Variants in MRPS10 observed in about 807,000 individuals in gnomAD.
MRPS10 encodes the protein mitochondrial ribosomal protein S10, also known as small ribosomal subunit protein uS10m.
In MRPS10, 23 loss-of-function variants were observed where a neutral mutation model predicts 27.5. That is an observed-to-expected ratio of 0.84 (90% CI 0.60 to 1.18). MRPS10 has a LOEUF of 1.18. Among genes scored for constraint, MRPS10 ranks in the 50% most tolerant of loss-of-function variants. The pLI is 0.00. For synonymous variants in MRPS10, 88 were observed against 84.2 expected, an observed-to-expected ratio of 1.04 and a Z score of -0.25; for missense variants, 237 against 240.1, an observed-to-expected ratio of 0.99 and a Z score of 0.09.
chr6:42,208,260 A>T lies in MRPS10; in HGVS notation c.*29T>A. 6.4e-7 allele frequency: 1 copy of T among 1,553,246 alleles called. No homozygotes were observed. Among genetic ancestry groups the T allele is most frequent in the Non-Finnish European group, 8.9e-7 (1 of 1,128,148 alleles). ...CTCATCTGGCCCACCCTCATTTCAA[A>T]TTTAGGCAAAAATGGCCTCCCTGAG... On this transcript the variant is annotated 3_prime_UTR_variant, in exon 7 of 7. Transcript: ENST00000053468.
At chr6:42,214,414 A>G in intron 1 of MRPS10, 70 bp from the exon 2 acceptor site, 1 of 1,250,434 alleles carries the variant, frequency 8.0e-7, no homozygotes, top group Non-Finnish European at 1.1e-6. Flanking sequence ...AATTTCCACT[A>G]AAAACTAAAA....
Position 42,208,862 on chromosome 6 carries a change from G to A in MRPS10, c.518C>T (p.Thr173Ile). ...AGGCAGAAATTCAAGCTATACCTTT[G>A]TTACTTCCATGGCAACCCCTTCAGG... Reference protein sequence around the residue: ...NLPEGVAMEVTKTQLEQLPEH... With the variant: ...NLPEGVAMEVIKTQLEQLPEH... The change falls in exon 6 of 7, where the codon ACA becomes ATA. Residue 173 changes from threonine (T) to isoleucine (I), a missense_variant. Thr to Ile is a moderately conservative substitution (Grantham distance 89). Around this residue, in one of 3 missense-constraint regions of MRPS10, gnomAD observed 62 missense variants for 68.2 expected, o/e 0.91. Coordinates refer to ENST00000053468, the MANE Select transcript of MRPS10 (RefSeq NM_018141.4). 1.2e-6 allele frequency: 2 copies of A among 1,601,040 alleles called. No homozygotes were observed. Among genetic ancestry groups the A allele is most frequent in the South Asian group, 1.1e-5 (1 of 90,562 alleles).
At chr6:42,217,738 G>A in intron 1 of MRPS10, 64 bp downstream of exon 1, 1 of 1,548,060 alleles carries the variant, frequency 6.5e-7, no homozygotes, top group South Asian at 1.1e-5. Context: ...AGCGGCTGGT[G>A]GCAGGGAAAC....
At position 42,207,692 on chromosome 6, in the gene MRPS10, G is replaced by A. The variant is rs1356630265; in HGVS notation, c.*597C>T. The A allele has an allele frequency of 2.6e-5, 4 of 152,134 alleles. No individual in the cohort carries two copies. The highest frequency in any genetic ancestry group is 4.4e-5 in the Non-Finnish European group (3 of 68,048). The allele number at this position is 152,134 out of a possible 1,614,324, so 9.4% of individuals were successfully genotyped here. On this transcript the variant is annotated 3_prime_UTR_variant, in exon 7 of 7. Transcript: ENST00000053468. ...AATTCCATTACAGTAACCCTGGTAG[G>A]CAACTCTATAAAGTTCTGGGCTCCA... is the stretch of plus-strand genomic sequence containing the variant.
chr6:42,208,656 G>A (rs569371136), intron 6 of MRPS10, among the ~76,000 whole-genome samples: 13 of 152,282 alleles, frequency 8.5e-5, no homozygotes, highest in Admixed American at 3.9e-4. Context: ...GGTGGTTCAC[G>A]GAGGACTTGG....
chr6:42,214,222 A>T (rs1884318), intron 2 of MRPS10, 30 bp from the exon 3 acceptor site: 12 of 1,607,212 alleles, frequency 7.5e-6, no homozygotes, highest in East Asian at 2.2e-5. Flanking sequence ...GAGAAACCTA[A>T]GTAAAATAGC....
intron 4 of MRPS10, among the ~76,000 whole-genome samples, chr6:42,211,198 G>C (rs544076076): frequency 2.6e-5 from 4 of 152,310 alleles, no homozygotes; most frequent in African/African-American, 9.6e-5. Context: ...TCTTAGGGAA[G>C]ATTTGAAATG....
At chr6:42,211,690 AAG>A (rs1554188748) in intron 4 of MRPS10, 89 bp downstream of exon 4, 6 of 1,279,148 alleles carry the variant, frequency 4.7e-6, no homozygotes, top group South Asian at 1.6e-5. Context: ...AAAAAAAAAA[AAG>A]AGTTCAGACC....
Position 42,217,836 on chromosome 6 carries a change from G to A in MRPS10, c.14C>T (p.Thr5Ile), listed in dbSNP as rs150173293. Reference protein sequence around the residue: MAARTAFGAVCRRLW... With the variant: MAARIAFGAVCRRLW... ...GCGCCGGCACACAGCACCGAACGCT[G>A]TCCGCGCCGCCATCTTGCCGGTCCC... is the stretch of plus-strand genomic sequence containing the variant. The change falls in exon 1 of 7, where the codon ACA (threonine) becomes ATA (isoleucine). Residue 5 changes from threonine (T) to isoleucine (I), a missense_variant. Thr to Ile is a moderately conservative substitution (Grantham distance 89). Coordinates refer to ENST00000053468, the MANE Select transcript of MRPS10 (RefSeq NM_018141.4). 3 of 1,614,012 alleles carry A rather than the reference G, an allele frequency of 1.9e-6. No homozygotes were observed. The highest frequency in any genetic ancestry group is 1.1e-5 in the South Asian group (1 of 91,082).
At chr6:42,213,397 G>A (rs745684369) in intron 3 of MRPS10, among the ~76,000 whole-genome samples, 43 of 152,144 alleles carry the variant, frequency 2.8e-4, no homozygotes, top group Non-Finnish European at 5.7e-4. Flanking sequence ...GAGGTGAGCC[G>A]AGATCATGCC....
At chr6:42,211,019 C>T (rs959107809) in intron 4 of MRPS10, among the ~76,000 whole-genome samples, 4 of 152,188 alleles carry the variant, frequency 2.6e-5, no homozygotes, top group Admixed American at 6.5e-5. Context: ...TTTTGGGAAA[C>T]CGTGGCCTTC....
At chr6:42,212,396 TAAGAA>T (rs952660922) in intron 3 of MRPS10, among the ~76,000 whole-genome samples, 8 of 152,116 alleles carry the variant, frequency 5.3e-5, no homozygotes, top group African/African-American at 1.7e-4. Context: ...AAGAAAAAAA[TAAGAA>T]AACACAGATT....
At chr6:42,216,385 A>AGAGAGAGAGTGTGTGTGTGT in intron 1 of MRPS10, among the ~76,000 whole-genome samples, 3 of 58,642 alleles carry the variant, frequency 5.1e-5, no homozygotes, top group African/African-American at 1.3e-4. Flanking sequence ...AGAGAGAGAG[A>AGAGAGAGAGTGTGTGTGTGT]GTGTGTGTGT....
chr6:42,210,502 A>G lies in MRPS10; in HGVS notation c.418T>C (p.Tyr140His), dbSNP rs1234895144. The part of the protein sequence containing the change: ...HRVQYEMRTL[Y>H]RCLELEHLTG... ...AATACACTCACCTCTAAACATCTGT[A>G]AAGTGTTCTCATTTCATACTGAACT... Residue 140 changes from tyrosine to histidine, a missense_variant, in exon 5 of 7, where the codon TAC becomes CAC. Coordinates refer to ENST00000053468, the MANE Select transcript of MRPS10 (RefSeq NM_018141.4). 6.7e-7 allele frequency: 1 copy of G among 1,484,992 alleles called. No homozygotes were observed. Among genetic ancestry groups the G allele is most frequent in the Admixed American group, 2.3e-5 (1 of 44,432 alleles). The allele number at this position is 1,484,992 out of a possible 1,614,324, so 92.0% of individuals were successfully genotyped here.
rs762405718 is a variant in MRPS10, at chr6:42,211,797, C to A, written c.307G>T (p.Gly103Cys). The A allele has an allele frequency of 3.1e-6, 5 of 1,613,326 alleles. No homozygotes were observed. The South Asian group carries it at 3.3e-5, about 11-fold the overall frequency. ...CATACTCACACTTTAATAGAGATAC[C>A]AAGTTCTTTAGCAGCAAGCACAGCA... ...YFAVLAAKELGISIKVHEPPR... is the reference protein window; with the variant it reads ...YFAVLAAKELCISIKVHEPPR... The change falls in exon 4 of 7, where the codon GGT (glycine) becomes TGT (cysteine). Residue 103 changes from glycine to cysteine, a missense_variant. By Grantham distance (159) the Gly-to-Cys change is radical (BLOSUM62 -3). This residue lies in a region of MRPS10 where 164 missense variants were observed against 137.8 expected (regional missense o/e 1.19). Coordinates refer to ENST00000053468, the MANE Select transcript of MRPS10 (RefSeq NM_018141.4).
chr6:42,214,701 A>G (rs776944026), intron 1 of MRPS10, among the ~76,000 whole-genome samples: 3 of 152,180 alleles, frequency 2.0e-5, no homozygotes, highest in African/African-American at 4.8e-5. Context: ...TATAATACTT[A>G]TTTTGCCTGA....
chr6:42,217,765 C>T, intron 1 of MRPS10, 37 bp downstream of exon 1: 2 of 1,609,896 alleles, frequency 1.2e-6, no homozygotes, highest in Admixed American at 1.7e-5. Flanking sequence ...GCAACTATCC[C>T]GGTCAGCCCT....
At chr6:42,217,725 C>G (rs1768981754) in intron 1 of MRPS10, 77 bp downstream of exon 1, 7 of 1,482,488 alleles carry the variant, frequency 4.7e-6, no homozygotes, top group Non-Finnish European at 6.6e-6. Context: ...TCCTGATGGG[C>G]AGAGCGGCTG....
At chr6:42,214,471 C>A (rs1186559179) in intron 1 of MRPS10, 127 bp from the exon 2 acceptor site, 3 of 551,656 alleles carry the variant, frequency 5.4e-6, no homozygotes, top group South Asian at 2.9e-5. Flanking sequence ...ACTAAAATGG[C>A]CAAATTAGAT....
Sources: gnomAD v4.1 joint callset for allele counts (sites outside exome capture counted in the v4.1 genomes callset) on GRCh38, gnomAD v4.1.1 for gene constraint, gnomAD v4.1.1 regional missense constraint, MANE v1.5 for transcripts, NCBI Gene and HGNC (gene_info 2026-07-23, HGNC 2026-07-21) for gene names.